STXBP5L: variants seen among roughly 807,000 people sequenced by gnomAD.
STXBP5L encodes syntaxin binding protein 5L.
In STXBP5L, 65 loss-of-function variants were observed where a neutral mutation model predicts 144.5. The ratio of observed to expected loss-of-function variants is 0.45; its 90% CI spans 0.37 to 0.55. The LOEUF (loss-of-function observed/expected upper bound fraction) is 0.55, where lower values mean the gene tolerates loss of function less well. Among genes scored for constraint, STXBP5L ranks in the 20% least tolerant of loss-of-function variants. The probability of loss-of-function intolerance (pLI) is 0.00; values close to 1 mark genes in which losing one functional copy is unlikely to be tolerated. For synonymous variants in STXBP5L, 505 were observed against 469.6 expected, an observed-to-expected ratio of 1.08 and a Z score of -0.97; for missense variants, 1,298 against 1,405.5, an observed-to-expected ratio of 0.92 and a Z score of 1.22.
intron 9 of STXBP5L, among the ~76,000 whole-genome samples, chr3:121,191,415 T>G (rs1179306273): frequency 6.6e-6 from 1 of 152,150 alleles, no homozygotes; most frequent in East Asian, 1.9e-4. Context: ...GGCGCACGCC[T>G]GCAATCCCAG....
intron 11 of STXBP5L, among the ~76,000 whole-genome samples, chr3:121,225,518 G>A (rs1045590752): frequency 6.6e-6 from 1 of 152,046 alleles, no homozygotes; most frequent in African/African-American, 2.4e-5. Context: ...GGAGGCCAAT[G>A]GGACAAGCAG....
At chr3:120,923,746 A>G (rs1709470035) in intron 2 of STXBP5L, among the ~76,000 whole-genome samples, 1 of 152,082 alleles carries the variant, frequency 6.6e-6, no homozygotes, top group Admixed American at 6.6e-5. Flanking sequence ...AACTTGTTTT[A>G]TGGCCTGAGA....
chr3:121,229,779 T>A (rs747106863), intron 11 of STXBP5L, among the ~76,000 whole-genome samples: 4 of 152,066 alleles, frequency 2.6e-5, no homozygotes, highest in Non-Finnish European at 4.4e-5. Flanking sequence ...GTCTCAAACT[T>A]CTGGCCTCAA....
chr3:121,096,485 T>G (rs1351256692), intron 5 of STXBP5L, among the ~76,000 whole-genome samples: 1 of 152,188 alleles, frequency 6.6e-6, no homozygotes, highest in African/African-American at 2.4e-5. Context: ...CTCCCCATCT[T>G]CATGGATTTA....
At chr3:121,269,717 A>G (rs562842924) in intron 18 of STXBP5L, among the ~76,000 whole-genome samples, 157 of 152,272 alleles carry the variant, frequency 1.0e-3, no homozygotes, top group African/African-American at 3.6e-3. Context: ...GGAAGAAGAG[A>G]GGTTTTTTAT....
intron 2 of STXBP5L, among the ~76,000 whole-genome samples, chr3:120,932,035 C>T (rs1709969281): frequency 1.3e-5 from 2 of 152,116 alleles, no homozygotes; most frequent in South Asian, 4.1e-4. Context: ...GCCTATTGCT[C>T]CTGGGTTATA....
chr3:121,392,770 CATATATATATATATAT>C lies in STXBP5L; in HGVS notation c.2587+11261_2587+11276del, dbSNP rs71133531. On this transcript the variant is annotated intron_variant, in intron 22 of 26. Coordinates refer to ENST00000471454, the MANE Select transcript of STXBP5L (RefSeq NM_001308330.2). Reference sequence around the variant, plus strand: ...ATTATGACTGAGTAGTATTTCATGGCATATATATATATATATATATATATATATATATATATATCAC... The same window carrying C: ...ATTATGACTGAGTAGTATTTCATGGCATATATATATATATATATATATCAC... Among the ~76,000 whole-genome samples, 87 of 112,372 alleles carry C rather than the reference CATATATATATATATAT, an allele frequency of 7.7e-4. 2 individuals are homozygous for C. Among genetic ancestry groups the C allele is most frequent in the Admixed American group, 2.1e-3 (22 of 10,418 alleles). 73.7% of individuals were successfully genotyped at this position (112,372 alleles called of 152,430 possible).
At chr3:121,138,299 A>G (rs1335932377) in intron 7 of STXBP5L, among the ~76,000 whole-genome samples, 3 of 152,096 alleles carry the variant, frequency 2.0e-5, no homozygotes, top group Non-Finnish European at 2.9e-5. Flanking sequence ...TTCAAGGATT[A>G]GGAGAATTAA....
intron 9 of STXBP5L, among the ~76,000 whole-genome samples, chr3:121,190,132 A>C (rs2047580338): frequency 6.6e-6 from 1 of 151,980 alleles, no homozygotes. Flanking sequence ...TTCATAGGAC[A>C]ATAGTGGAGG....
chr3:121,023,914 C>T (rs1945738990), intron 3 of STXBP5L, among the ~76,000 whole-genome samples: 1 of 152,032 alleles, frequency 6.6e-6, no homozygotes, highest in African/African-American at 2.4e-5. Context: ...CACCACCACC[C>T]CCAGCTAATT....
chr3:120,950,668 T>A (rs1711160820), intron 2 of STXBP5L, among the ~76,000 whole-genome samples: 1 of 152,184 alleles, frequency 6.6e-6, no homozygotes, highest in African/African-American at 2.4e-5. Context: ...TACAAACAAA[T>A]GGAAGAACAT....
intron 9 of STXBP5L, among the ~76,000 whole-genome samples, chr3:121,181,941 A>G (rs2047172322): frequency 6.7e-6 from 1 of 148,602 alleles, no homozygotes; most frequent in Non-Finnish European, 1.5e-5. Flanking sequence ...TAAAGCAACA[A>G]CAGTTAAAAA....
At chr3:120,959,010 C>T (rs1938398120) in intron 3 of STXBP5L, among the ~76,000 whole-genome samples, 1 of 152,196 alleles carries the variant, frequency 6.6e-6, no homozygotes, top group African/African-American at 2.4e-5. Flanking sequence ...AAATCCCCAT[C>T]ATCTCAGCCC....
chr3:121,104,227 C>A (rs1166038923), intron 5 of STXBP5L, among the ~76,000 whole-genome samples: 1 of 151,844 alleles, frequency 6.6e-6, no homozygotes, highest in Non-Finnish European at 1.5e-5. Context: ...AATATCCTGA[C>A]AAAAGAATCA....
At chr3:121,368,839 G>A (rs569480987) in intron 20 of STXBP5L, among the ~76,000 whole-genome samples, 21 of 152,084 alleles carry the variant, frequency 1.4e-4, no homozygotes, top group African/African-American at 1.7e-4. Flanking sequence ...TCTGGCTCTC[G>A]AAAGAAGAAA....
At chr3:121,396,114 C>T (rs770319246) in intron 22 of STXBP5L, among the ~76,000 whole-genome samples, 4 of 152,244 alleles carry the variant, frequency 2.6e-5, no homozygotes, top group African/African-American at 9.6e-5. Flanking sequence ...CTTCTCTTTG[C>T]AGCTGGTTTC....
intron 3 of STXBP5L, among the ~76,000 whole-genome samples, chr3:121,020,430 G>A (rs963960002): frequency 1.3e-5 from 2 of 152,084 alleles, no homozygotes; most frequent in African/African-American, 4.8e-5. Context: ...GAAATTTATT[G>A]CAAAAAGATA....
At chr3:120,972,884 A>G (rs1481543139) in intron 3 of STXBP5L, among the ~76,000 whole-genome samples, 1 of 152,052 alleles carries the variant, frequency 6.6e-6, no homozygotes, top group African/African-American at 2.4e-5. Flanking sequence ...ATTGATTTGC[A>G]TATGTTGAAT....
intron 4 of STXBP5L, among the ~76,000 whole-genome samples, chr3:121,042,051 G>A (rs886695459): frequency 2.0e-5 from 3 of 151,920 alleles, no homozygotes; most frequent in African/African-American, 7.3e-5. Context: ...AAATCCTAAT[G>A]TCTTTTGATT....
Sources: gnomAD v4.1 joint callset for allele counts (sites outside exome capture counted in the v4.1 genomes callset) on GRCh38, gnomAD v4.1.1 for gene constraint, MANE v1.5 for transcripts, NCBI Gene and HGNC (gene_info 2026-07-23, HGNC 2026-07-21) for gene names.